Variants in SORCS2 observed in about 807,000 individuals in gnomAD.
SORCS2 encodes the protein VPS10 domain-containing receptor SorCS2.
In SORCS2, 100 loss-of-function variants were observed where a neutral mutation model predicts 141.6. That is an observed-to-expected ratio of 0.71 (90% CI 0.60 to 0.83). The LOEUF is 0.83. SORCS2 is among the 40% of genes least tolerant of loss of function. The pLI is 0.00. For missense variants in SORCS2, 1,646 were observed against 1,560.2 expected, an observed-to-expected ratio of 1.05 and a Z score of -0.93; for synonymous variants, 789 against 676.9, an observed-to-expected ratio of 1.17 and a Z score of -2.57.
chr4:7,484,767 T>G (rs191722465), intron 2 of SORCS2, among the ~76,000 whole-genome samples: 40 of 151,944 alleles, frequency 2.6e-4, no homozygotes, highest in Non-Finnish European at 4.6e-4. Flanking sequence ...ACACACCACC[T>G]CCTGCACCCA....
Position 7,737,062 on chromosome 4 carries a change from C to G in SORCS2, c.3312-7C>G. 1 of 1,551,048 alleles carries G rather than the reference C, an allele frequency of 6.4e-7. No individual in the cohort carries two copies. The highest frequency in any genetic ancestry group is 8.7e-7 in the Non-Finnish European group (1 of 1,146,888). On this transcript the variant is annotated splice_region_variant and splice_polypyrimidine_tract_variant and intron_variant, in intron 25 of 26. Transcript: ENST00000507866. Reference sequence around the variant, plus strand: ...CAAGCTGAGCCGCCCTTGCCTCTGTCCAGCAGGAAACGGCCAGGCAGGACC... The same window carrying G: ...CAAGCTGAGCCGCCCTTGCCTCTGTGCAGCAGGAAACGGCCAGGCAGGACC...
At chr4:7,361,069 C>T (rs907540359) in intron 1 of SORCS2, among the ~76,000 whole-genome samples, 10 of 152,138 alleles carry the variant, frequency 6.6e-5, no homozygotes, top group African/African-American at 1.9e-4. Context: ...TGTTCCTTAG[C>T]GTTTTTGTCA....
At chr4:7,410,180 C>T (rs1374783109) in intron 2 of SORCS2, among the ~76,000 whole-genome samples, 2 of 152,198 alleles carry the variant, frequency 1.3e-5, no homozygotes, top group African/African-American at 4.8e-5. Context: ...CTCTCTGTGC[C>T]CCCATAATGT....
Position 7,661,583 on chromosome 4 carries a change from AGGCACC to A in SORCS2, c.952+22_952+27del. The A allele has an allele frequency of 1.9e-6, 3 of 1,550,948 alleles. No individual in the cohort carries two copies. Among genetic ancestry groups the A allele is most frequent in the South Asian group, 2.4e-5 (2 of 84,000 alleles). Reference sequence around the variant, plus strand: ...GGTGGAGGTAAGCCGGGCAGTGCACAGGCACCGGGTATCCCTGAGTCACCTCGCACC... The same window carrying A: ...GGTGGAGGTAAGCCGGGCAGTGCACAGGGTATCCCTGAGTCACCTCGCACC... On this transcript the variant is annotated intron_variant, in intron 6 of 26. Transcript: ENST00000507866.
chr4:7,508,214 AG>A (rs1264419923), intron 2 of SORCS2, among the ~76,000 whole-genome samples: 1 of 68,692 alleles, frequency 1.5e-5, no homozygotes, highest in Non-Finnish European at 2.7e-5. Context: ...AGAAGGAGGG[AG>A]GGAAGGGGGT....
At chr4:7,572,055 T>C (rs988332531) in intron 3 of SORCS2, among the ~76,000 whole-genome samples, 1 of 152,188 alleles carries the variant, frequency 6.6e-6, no homozygotes, top group African/African-American at 2.4e-5. Context: ...CTGCTGGGTT[T>C]GATCAAAGCA....
intron 3 of SORCS2, among the ~76,000 whole-genome samples, chr4:7,531,899 A>G (rs1210745067): frequency 6.6e-6 from 1 of 152,260 alleles, no homozygotes; most frequent in Non-Finnish European, 1.5e-5. Context: ...GGGGGCATGC[A>G]TCCATCAGAG....
At chr4:7,337,896 C>T (rs1448498993) in intron 1 of SORCS2, among the ~76,000 whole-genome samples, 2 of 152,188 alleles carry the variant, frequency 1.3e-5, no homozygotes, top group Non-Finnish European at 2.9e-5. Flanking sequence ...CATGCTGCCC[C>T]CTTGCTGGAA....
intron 19 of SORCS2, among the ~76,000 whole-genome samples, chr4:7,724,727 TG>T: frequency 1.6e-5 from 1 of 63,720 alleles, no homozygotes. Context: ...TTGGTGGGAA[TG>T]GATGGTGGTA....
intron 1 of SORCS2, among the ~76,000 whole-genome samples, chr4:7,371,533 G>A (rs6829740): frequency 0.68 from 103,933 of 152,154 alleles, 35,733 homozygotes; most frequent in East Asian, 0.93. Flanking sequence ...AAAAAAATGA[G>A]TGAGTCAGAG....
intron 1 of SORCS2, among the ~76,000 whole-genome samples, chr4:7,226,018 A>C (rs1268382207): frequency 6.6e-6 from 1 of 152,104 alleles, no homozygotes; most frequent in Admixed American, 6.5e-5. Flanking sequence ...ATGTCAAAGC[A>C]CTTGGGGCTG....
intron 1 of SORCS2, among the ~76,000 whole-genome samples, chr4:7,258,015 C>A (rs1477922094): frequency 6.6e-6 from 1 of 152,244 alleles, no homozygotes; most frequent in African/African-American, 2.4e-5. Flanking sequence ...CCAGGTACCT[C>A]TGCTCTGTCC....
rs1437957788 is a variant in SORCS2 at position 7,661,518 on chromosome 4, C to T, written c.906C>T (p.Asp302=). The change falls in exon 6 of 27, where the codon GAC becomes GAT. Residue 302 remains aspartate, a synonymous_variant. Transcript: ENST00000507866. ...DHVFWSVSGV[D]ADPDLVHVEA... is the part of the protein sequence containing the mutation. ...TTTCCAGGTCTGTGTCTGGGGTGGA[C>T]GCTGACCCTGACTTGGTCCACGTGG... 49 of 1,551,750 alleles carry T rather than the reference C, an allele frequency of 3.2e-5. No individual in the cohort carries two copies. The Middle Eastern group carries it at 5.0e-4, about 16-fold the overall frequency.
chr4:7,433,920 G>A (rs747158313), intron 2 of SORCS2: 5 of 1,613,846 alleles, frequency 3.1e-6, no homozygotes, highest in African/African-American at 1.3e-5. Context: ...CGCGCTCCAG[G>A]GCATGGGTGA....
intron 1 of SORCS2, among the ~76,000 whole-genome samples, chr4:7,250,336 T>G (rs1219785085): frequency 6.6e-6 from 1 of 152,234 alleles, no homozygotes; most frequent in East Asian, 1.9e-4. Flanking sequence ...TTTGAAGGTT[T>G]CTTTTCTGCA....
rs1285771061 is a variant in SORCS2, at chr4:7,537,226, C to T, written c.648+5597C>T. Among the ~76,000 whole-genome samples, 3 of 152,336 alleles carry T rather than the reference C, an allele frequency of 2.0e-5. No homozygotes were observed. The East Asian group carries it at 5.8e-4, about 29-fold the overall frequency. On this transcript the variant is annotated intron_variant, in intron 3 of 26. Transcript: ENST00000507866. ...TTTCCTCTCTGGGCCTCAGTTTCCC[C>T]ATCCCTTAGATGAAGCAGCTGAATT...
At chr4:7,694,309 C>T (rs1343149403) in intron 11 of SORCS2, among the ~76,000 whole-genome samples, 1 of 152,130 alleles carries the variant, frequency 6.6e-6, no homozygotes, top group Non-Finnish European at 1.5e-5. Flanking sequence ...CATCACCTCC[C>T]TCCACCCTGG....
chr4:7,735,068 T>C (rs1420524515), intron 25 of SORCS2, among the ~76,000 whole-genome samples: 1 of 152,194 alleles, frequency 6.6e-6, no homozygotes, highest in Non-Finnish European at 1.5e-5. Context: ...CTGGACAACT[T>C]GAAGTTCCCT....
At chr4:7,315,650 T>C (rs1222598633) in intron 1 of SORCS2, among the ~76,000 whole-genome samples, 1 of 152,224 alleles carries the variant, frequency 6.6e-6, no homozygotes, top group East Asian at 1.9e-4. Context: ...CTGCCCCTCC[T>C]ATGGTGATTT....
Sources: allele counts gnomAD v4.1 joint callset (sites outside exome capture counted in the v4.1 genomes callset), GRCh38; gene constraint gnomAD v4.1.1; transcripts MANE v1.5; gene names NCBI Gene and HGNC (gene_info 2026-07-23, HGNC 2026-07-21).